The following NKAIN2 variants were observed in gnomAD, a reference collection of about 807,000 sequenced individuals.
NKAIN2 encodes the protein sodium/potassium transporting ATPase interacting 2, also known as sodium/potassium-transporting ATPase subunit beta-1-interacting protein 2.
Under a neutral mutation model 32.6 loss-of-function variants are expected in NKAIN2, and 14 were observed. The observed-to-expected ratio is 0.43, with a 90% CI of 0.28 to 0.67. The LOEUF (loss-of-function observed/expected upper bound fraction) is 0.67, where lower values mean the gene tolerates loss of function less well. Among genes scored for constraint, NKAIN2 ranks in the 30% least tolerant of loss-of-function variants. The pLI is 0.17. For missense variants in NKAIN2, 198 were observed against 258.3 expected (o/e 0.77, Z 1.60); for synonymous variants, 80 against 87.2 (o/e 0.92, Z 0.46).
chr6:124,280,577 G>A (rs577422361), intron 1 of NKAIN2, among the ~76,000 whole-genome samples: 70 of 152,140 alleles, frequency 4.6e-4, no homozygotes, highest in African/African-American at 1.6e-3. Flanking sequence ...TTGGTTTTGT[G>A]TAGAATCAAT....
At chr6:124,450,267 ACAATTGTTTTTCTGTTTCATCTTCTGTC>A (rs766068504) in intron 3 of NKAIN2, among the ~76,000 whole-genome samples, 148 of 152,168 alleles carry the variant, frequency 9.7e-4, no homozygotes, top group Non-Finnish European at 1.7e-3. Context: ...TAAATTCAAG[ACAATTGTTTTTCTGTTTCATCTTCTGTC>A]CAATAGAAAA....
intron 3 of NKAIN2, among the ~76,000 whole-genome samples, chr6:124,406,493 T>C (rs964057045): frequency 6.6e-6 from 1 of 152,160 alleles, no homozygotes. Flanking sequence ...GGTTGTTTCA[T>C]TGTTGAAAGT....
At chr6:124,746,377 G>C (rs1777452519) in intron 4 of NKAIN2, among the ~76,000 whole-genome samples, 1 of 151,788 alleles carries the variant, frequency 6.6e-6, no homozygotes, top group South Asian at 2.1e-4. Context: ...GAATGAACTA[G>C]TTTAAAAAGA....
chr6:124,466,085 C>T (rs930912460), intron 3 of NKAIN2, among the ~76,000 whole-genome samples: 5 of 151,278 alleles, frequency 3.3e-5, no homozygotes, highest in Non-Finnish European at 4.4e-5. Flanking sequence ...TAATGTTTTA[C>T]ACACAACGTT....
chr6:124,206,768 C>T (rs978620115), intron 1 of NKAIN2, among the ~76,000 whole-genome samples: 80 of 151,628 alleles, frequency 5.3e-4, no homozygotes, highest in African/African-American at 1.9e-3. Context: ...TTACTTAGTT[C>T]GTATTTCTTT....
chr6:124,293,088 C>T (rs756215677), intron 2 of NKAIN2, among the ~76,000 whole-genome samples: 2 of 152,080 alleles, frequency 1.3e-5, no homozygotes, highest in Admixed American at 6.6e-5. Context: ...TTTTAGCAGT[C>T]TGCTTACTGT....
At chr6:124,415,523 G>C (rs915643566) in intron 3 of NKAIN2, among the ~76,000 whole-genome samples, 1 of 152,170 alleles carries the variant, frequency 6.6e-6, no homozygotes, top group Non-Finnish European at 1.5e-5. Context: ...CTGTCCTTCT[G>C]TGTTTTTATG....
intron 3 of NKAIN2, among the ~76,000 whole-genome samples, chr6:124,373,987 T>C (rs1372888947): frequency 6.6e-6 from 1 of 152,108 alleles, no homozygotes; most frequent in African/African-American, 2.4e-5. Context: ...GTTGGTTTTG[T>C]TGAATACAGT....
intron 1 of NKAIN2, among the ~76,000 whole-genome samples, chr6:124,128,912 G>A (rs1786316135): frequency 6.6e-6 from 1 of 152,274 alleles, no homozygotes; most frequent in South Asian, 2.1e-4. Context: ...CTAAACAAGT[G>A]CCAGTGAAAC....
chr6:124,194,873 C>A (rs1790238155), intron 1 of NKAIN2, among the ~76,000 whole-genome samples: 1 of 151,860 alleles, frequency 6.6e-6, no homozygotes, highest in South Asian at 2.1e-4. Context: ...GGCAAGAATT[C>A]TTGGATTTAA....
chr6:124,617,954 A>G (rs1397510355), intron 3 of NKAIN2, among the ~76,000 whole-genome samples: 1 of 152,238 alleles, frequency 6.6e-6, no homozygotes, highest in African/African-American at 2.4e-5. Flanking sequence ...TAATTTAGAC[A>G]GCTTTGGAGT....
In NKAIN2 at chr6:124,355,366, G is replaced by A. The variant is rs747723949; in HGVS notation, c.273+19G>A. ...CTCAAAGGTAATTTACATCTAATTTGCCTGAGTCATCAGTAGGGTGTTAAC... is the reference window on the plus strand; with the variant it reads ...CTCAAAGGTAATTTACATCTAATTTACCTGAGTCATCAGTAGGGTGTTAAC... On this transcript the variant is annotated intron_variant, in intron 3 of 6. Transcript: ENST00000368417. 4.2e-6 allele frequency: 6 copies of A among 1,424,776 alleles called. No homozygotes were observed. The highest frequency in any genetic ancestry group is 6.0e-6 in the Non-Finnish European group (6 of 1,007,448). 88.3% of individuals were successfully genotyped at this position (1,424,776 alleles called of 1,614,324 possible).
At chr6:124,017,903 C>T (rs1350362541) in intron 1 of NKAIN2, among the ~76,000 whole-genome samples, 1 of 152,186 alleles carries the variant, frequency 6.6e-6, no homozygotes, top group African/African-American at 2.4e-5. Flanking sequence ...CCTCTTCTCA[C>T]AGCTCCACTA....
chr6:124,163,021 A>G (rs1389128403), intron 1 of NKAIN2, among the ~76,000 whole-genome samples: 1 of 151,990 alleles, frequency 6.6e-6, no homozygotes, highest in East Asian at 1.9e-4. Context: ...TTATTACACA[A>G]TTGCTTCCAG....
At chr6:124,592,348 T>C (rs1181942461) in intron 3 of NKAIN2, among the ~76,000 whole-genome samples, 2 of 152,226 alleles carry the variant, frequency 1.3e-5, no homozygotes, top group African/African-American at 4.8e-5. Flanking sequence ...AGCGAGAAGA[T>C]ATTTCAGAGG....
At chr6:124,073,947 A>T (rs1401572289) in intron 1 of NKAIN2, among the ~76,000 whole-genome samples, 2 of 152,176 alleles carry the variant, frequency 1.3e-5, no homozygotes, top group Non-Finnish European at 2.9e-5. Context: ...GGTCTCTACG[A>T]ACTCCAGGTT....
Position 124,730,114 on chromosome 6 carries a change from C to T in NKAIN2, c.475-61225C>T, listed in dbSNP as rs186475951. On this transcript the variant is annotated intron_variant, in intron 4 of 6. Coordinates refer to ENST00000368417, the MANE Select transcript of NKAIN2 (RefSeq NM_001040214.3). ...GCTCATGAGCAGGAAGAATCAATAT[C>T]GTGAAAATGGCCATACTTCCCAAGG... 4.4e-5 allele frequency among the ~76,000 whole-genome samples: 4 copies of T among 91,876 alleles called. 2 individuals are homozygous for T. Among genetic ancestry groups the T allele is most frequent in the Non-Finnish European group, 8.7e-5 (4 of 46,042 alleles). 60.3% of individuals were successfully genotyped at this position (91,876 alleles called of 152,430 possible). A position where few individuals can be genotyped will look rare whatever the true frequency, so the allele number is the denominator to read the frequency against.
intron 1 of NKAIN2, among the ~76,000 whole-genome samples, chr6:124,093,152 A>G (rs754563196): frequency 4.6e-5 from 7 of 152,054 alleles, no homozygotes; most frequent in Non-Finnish European, 7.4e-5. Flanking sequence ...ATATCCTGAA[A>G]TTCAAGTTTG....
At chr6:124,056,295 A>G (rs1325412809) in intron 1 of NKAIN2, among the ~76,000 whole-genome samples, 1 of 151,934 alleles carries the variant, frequency 6.6e-6, no homozygotes, top group African/African-American at 2.4e-5. Flanking sequence ...TCATATAAAA[A>G]ATAATAAAGC....
Sources: gnomAD v4.1 joint callset for allele counts (sites outside exome capture counted in the v4.1 genomes callset) on GRCh38, gnomAD v4.1.1 for gene constraint, MANE v1.5 for transcripts, NCBI Gene and HGNC (gene_info 2026-07-23, HGNC 2026-07-21) for gene names.